Variants in SLC24A3 observed in about 807,000 individuals in gnomAD.
The protein encoded by SLC24A3 is solute carrier family 24 member 3, also known as sodium/potassium/calcium exchanger 3.
SLC24A3 carries 28 observed loss-of-function variants against 75.8 expected under a neutral mutation model. The ratio of observed to expected loss-of-function variants is 0.37; its 90% CI spans 0.27 to 0.51. SLC24A3 has a LOEUF of 0.51. SLC24A3 is among the 20% of genes least tolerant of loss of function. SLC24A3 has a pLI of 0.94. For synonymous variants in SLC24A3, 372 were observed against 334.1 expected (o/e 1.11, Z -1.24); for missense variants, 663 against 847.8 (o/e 0.78, Z 2.71).
chr20:19,346,063 CTATATATATATATATATA>C (rs763603062), intron 2 of SLC24A3, among the ~76,000 whole-genome samples: 459 of 21,256 alleles, frequency 0.022, 15 homozygotes, highest in African/African-American at 0.028. Context: ...ATAAAGAAAA[CTATATATATATATATATA>C]TATATATATA....
intron 1 of SLC24A3, among the ~76,000 whole-genome samples, chr20:19,274,254 C>T (rs1404553409): frequency 6.6e-6 from 1 of 151,848 alleles, no homozygotes; most frequent in East Asian, 2.0e-4. Context: ...GTGTTCTCAG[C>T]ATCCCCTTGC....
intron 2 of SLC24A3, among the ~76,000 whole-genome samples, chr20:19,390,500 G>C (rs1986347799): frequency 6.6e-6 from 1 of 151,998 alleles, no homozygotes; most frequent in African/African-American, 2.4e-5. Context: ...CATGTGTCTG[G>C]CCTGTAGTAT....
At chr20:19,646,082 A>G (rs1258147061) in intron 6 of SLC24A3, among the ~76,000 whole-genome samples, 1 of 152,172 alleles carries the variant, frequency 6.6e-6, no homozygotes, top group Non-Finnish European at 1.5e-5. Context: ...ATAGTGGTTA[A>G]TATCCAGCAT....
intron 2 of SLC24A3, among the ~76,000 whole-genome samples, chr20:19,308,361 G>A (rs1297666373): frequency 6.6e-6 from 1 of 152,230 alleles, no homozygotes; most frequent in Non-Finnish European, 1.5e-5. Flanking sequence ...TAGCTAGACA[G>A]GGAGTGGCTT....
intron 2 of SLC24A3, among the ~76,000 whole-genome samples, chr20:19,405,419 A>G (rs962866652): frequency 2.4e-4 from 36 of 152,358 alleles, no homozygotes; most frequent in Non-Finnish European, 4.4e-4. Flanking sequence ...AGTGTTTGAG[A>G]AAACAAAATG....
chr20:19,423,107 A>T (rs928710386), intron 2 of SLC24A3, among the ~76,000 whole-genome samples: 1 of 152,232 alleles, frequency 6.6e-6, no homozygotes, highest in Admixed American at 6.5e-5. Flanking sequence ...GGGCAGACAC[A>T]CTGGCAGCTC....
At chr20:19,470,565 C>T (rs1261345496) in intron 2 of SLC24A3, among the ~76,000 whole-genome samples, 1 of 152,162 alleles carries the variant, frequency 6.6e-6, no homozygotes, top group Non-Finnish European at 1.5e-5. Flanking sequence ...CCCTCCTTTG[C>T]ACATACACTC....
intron 6 of SLC24A3, among the ~76,000 whole-genome samples, chr20:19,610,148 G>T (rs774237257): frequency 2.0e-5 from 3 of 151,796 alleles, no homozygotes; most frequent in African/African-American, 7.3e-5. Flanking sequence ...TGTCTTCCTC[G>T]GCTTTCTTCT....
intron 2 of SLC24A3, among the ~76,000 whole-genome samples, chr20:19,360,172 A>G (rs1479185702): frequency 2.0e-5 from 3 of 152,246 alleles, no homozygotes; most frequent in African/African-American, 7.2e-5. Flanking sequence ...AGAAATGATC[A>G]GTATCTATAT....
chr20:19,232,232 A>C (rs1262429439), intron 1 of SLC24A3, among the ~76,000 whole-genome samples: 2 of 152,226 alleles, frequency 1.3e-5, no homozygotes, highest in Non-Finnish European at 2.9e-5. Context: ...TGTAGGTAGT[A>C]AATATTTCCA....
intron 2 of SLC24A3, among the ~76,000 whole-genome samples, chr20:19,418,356 A>G (rs1398118084): frequency 6.6e-6 from 1 of 152,302 alleles, no homozygotes; most frequent in East Asian, 1.9e-4. Flanking sequence ...AAATAAAAAT[A>G]TGTAATAGCA....
intron 2 of SLC24A3, among the ~76,000 whole-genome samples, chr20:19,358,043 C>A (rs921003374): frequency 1.3e-5 from 2 of 152,214 alleles, no homozygotes; most frequent in East Asian, 1.9e-4. Context: ...GGCAGATGTG[C>A]CCTCCAGCTC....
intron 1 of SLC24A3, among the ~76,000 whole-genome samples, chr20:19,255,312 A>G (rs1023977415): frequency 6.6e-6 from 1 of 152,160 alleles, no homozygotes; most frequent in Non-Finnish European, 1.5e-5. Context: ...TCCCTCCGCT[A>G]TAGGATGGAG....
chr20:19,531,416 T>C (rs2030296597), intron 3 of SLC24A3, among the ~76,000 whole-genome samples: 1 of 152,220 alleles, frequency 6.6e-6, no homozygotes, highest in South Asian at 2.1e-4. Context: ...TTCAGTTGTT[T>C]TGCTCCTGGG....
intron 2 of SLC24A3, among the ~76,000 whole-genome samples, chr20:19,420,478 T>C (rs1316593717): frequency 6.8e-6 from 1 of 147,432 alleles, no homozygotes. Flanking sequence ...CTCCACATCC[T>C]CTCCAGCACC....
intron 2 of SLC24A3, among the ~76,000 whole-genome samples, chr20:19,423,921 G>A (rs1290407553): frequency 6.6e-6 from 1 of 152,176 alleles, no homozygotes; most frequent in East Asian, 1.9e-4. Context: ...GGGTAGGGGA[G>A]GGGTGTGCAG....
chr20:19,232,532 T>C (rs1982052897), intron 1 of SLC24A3, among the ~76,000 whole-genome samples: 1 of 152,234 alleles, frequency 6.6e-6, no homozygotes, highest in South Asian at 2.1e-4. Context: ...TAAAATATTA[T>C]AGTTTATTTG....
At chr20:19,235,108 A>G (rs572491749) in intron 1 of SLC24A3, among the ~76,000 whole-genome samples, 8 of 152,340 alleles carry the variant, frequency 5.3e-5, no homozygotes, top group South Asian at 2.1e-4. Context: ...TTAAAGCTCA[A>G]TAGTGCTCTA....
intron 2 of SLC24A3, among the ~76,000 whole-genome samples, chr20:19,434,052 C>G (rs188229938): frequency 2.0e-5 from 3 of 152,296 alleles, no homozygotes; most frequent in Non-Finnish European, 2.9e-5. Flanking sequence ...GGCAGTCCCT[C>G]AGGGTCAGCA....
Sources: allele counts gnomAD v4.1 joint callset (sites outside exome capture counted in the v4.1 genomes callset), GRCh38; gene constraint gnomAD v4.1.1; transcripts MANE v1.5; gene names NCBI Gene and HGNC (gene_info 2026-07-23, HGNC 2026-07-21).